The following PTPRD variants were observed in gnomAD, a reference collection of about 807,000 sequenced individuals.
The protein encoded by PTPRD is receptor-type tyrosine-protein phosphatase delta.
Under a neutral mutation model 214.5 loss-of-function variants are expected in PTPRD, and 34 were observed. The ratio of observed to expected loss-of-function variants is 0.16; its 90% CI spans 0.12 to 0.21. PTPRD has a LOEUF of 0.21. Among genes scored for constraint, PTPRD ranks in the 10% least tolerant of loss-of-function variants. The pLI is 1.00. For synonymous variants in PTPRD, 1,128 were observed against 845.7 expected (o/e 1.33, Z -5.79); for missense variants, 2,545 against 2,398.7 (o/e 1.06, Z -1.27).
chr9:8,715,662 G>C (rs1211051988), intron 12 of PTPRD, among the ~76,000 whole-genome samples: 2 of 152,048 alleles, frequency 1.3e-5, no homozygotes, highest in Non-Finnish European at 2.9e-5. Context: ...TCAGGCCAAC[G>C]ATCTACCACA....
At chr9:8,703,929 T>A (rs1351890337) in intron 12 of PTPRD, among the ~76,000 whole-genome samples, 1 of 152,208 alleles carries the variant, frequency 6.6e-6, no homozygotes, top group Non-Finnish European at 1.5e-5. Flanking sequence ...GTGTTTCTTA[T>A]CAATAAATAC....
Position 8,704,270 on chromosome 9 carries a change from A to G in PTPRD, c.64+29510T>C, listed in dbSNP as rs2098151743. Among the ~76,000 whole-genome samples the G allele has an allele frequency of 1.3e-5, 2 of 152,032 alleles. 1 individual carries two copies. Among genetic ancestry groups the G allele is most frequent in the South Asian group, 4.1e-4 (2 of 4,824 alleles). ...CCCACTCCATCCTCTGCATCTCCCT[A>G]CACACTCCCTAAACTCCAGCCGAAT... On this transcript the variant is annotated intron_variant, in intron 12 of 45. Coordinates refer to ENST00000381196, the MANE Select transcript of PTPRD (RefSeq NM_002839.4).
chr9:8,832,718 C>A (rs953264842), intron 11 of PTPRD, among the ~76,000 whole-genome samples: 1 of 152,012 alleles, frequency 6.6e-6, no homozygotes, highest in Admixed American at 6.6e-5. Flanking sequence ...AATCTTTCAA[C>A]TGTAAAACTA....
intron 2 of PTPRD, among the ~76,000 whole-genome samples, chr9:10,394,898 TG>T (rs2098137711): frequency 1.3e-5 from 2 of 151,706 alleles, no homozygotes; most frequent in South Asian, 4.1e-4. Flanking sequence ...TGCTGATGAA[TG>T]TGGATTTAAT....
At chr9:9,078,516 GC>G (rs2099754341) in intron 10 of PTPRD, among the ~76,000 whole-genome samples, 1 of 152,006 alleles carries the variant, frequency 6.6e-6, no homozygotes, top group Non-Finnish European at 1.5e-5. Context: ...TGCTTGCTGT[GC>G]CATGATAGAT....
At chr9:9,891,328 G>C (rs555068243) in intron 5 of PTPRD, among the ~76,000 whole-genome samples, 17 of 150,868 alleles carry the variant, frequency 1.1e-4, no homozygotes, top group African/African-American at 4.1e-4. Context: ...GAATACCAAA[G>C]AGATATTAAG....
chr9:9,271,299 C>A (rs1385772390), intron 9 of PTPRD, among the ~76,000 whole-genome samples: 3 of 148,320 alleles, frequency 2.0e-5, no homozygotes, highest in African/African-American at 7.5e-5. Flanking sequence ...AAAAAAAAAA[C>A]ATCTGTGAAC....
At chr9:9,624,714 G>A (rs1593352001) in intron 7 of PTPRD, among the ~76,000 whole-genome samples, 3 of 151,918 alleles carry the variant, frequency 2.0e-5, no homozygotes, top group South Asian at 2.1e-4. Context: ...CAGTGGGATC[G>A]ATTTAATATT....
At chr9:8,457,912 A>C (rs2096263252) in intron 33 of PTPRD, among the ~76,000 whole-genome samples, 1 of 152,174 alleles carries the variant, frequency 6.6e-6, no homozygotes, top group Non-Finnish European at 1.5e-5. Context: ...CTCAGAATCC[A>C]AGCTATAAAA....
intron 4 of PTPRD, among the ~76,000 whole-genome samples, chr9:9,948,844 T>G (rs1262505179): frequency 6.6e-6 from 1 of 151,996 alleles, no homozygotes; most frequent in East Asian, 1.9e-4. Context: ...GAGACAAATT[T>G]TATGACAATA....
rs978995858 is a variant in PTPRD at position 9,383,503 on chromosome 9, T to C, written c.-203+13946A>G. ...AATATCACCAACTTGCTCTTCATCA[T>C]CCTGAGTATATTATTTGATTGAGGC... On this transcript the variant is annotated intron_variant, in intron 9 of 45. Coordinates refer to ENST00000381196, the MANE Select transcript of PTPRD (RefSeq NM_002839.4). 2.6e-5 allele frequency among the ~76,000 whole-genome samples: 4 copies of C among 152,120 alleles called. No homozygotes were observed. In the South Asian group the frequency reaches 6.2e-4, roughly 24 times the overall value.
intron 3 of PTPRD, among the ~76,000 whole-genome samples, chr9:10,181,153 T>C (rs2099280275): frequency 1.3e-5 from 2 of 152,086 alleles, no homozygotes; most frequent in Admixed American, 1.3e-4. Context: ...GATTTTTATA[T>C]AGACAATTCA....
intron 11 of PTPRD, among the ~76,000 whole-genome samples, chr9:8,936,829 T>C (rs2099001157): frequency 6.6e-6 from 1 of 152,212 alleles, no homozygotes; most frequent in Admixed American, 6.5e-5. Flanking sequence ...CATGGGATAA[T>C]TCAAAATGGT....
At position 9,380,286 on chromosome 9, in the gene PTPRD, C is replaced by G. The variant is rs145600034; in HGVS notation, c.-203+17163G>C. Among the ~76,000 whole-genome samples the G allele has an allele frequency of 3.2e-3, 491 of 152,138 alleles. 1 individual carries two copies. Among genetic ancestry groups the G allele is most frequent in the African/African-American group, 0.011 (457 of 41,538 alleles). ...AGTTGTGTTTTCATTTCATTTATTT[C>G]AAAATATATTTAAAATTGTCTTGAG... is the stretch of plus-strand genomic sequence containing the variant. On this transcript the variant is annotated intron_variant, in intron 9 of 45. Coordinates refer to ENST00000381196, the MANE Select transcript of PTPRD (RefSeq NM_002839.4).
At chr9:8,499,179 T>C (rs1273555598) in intron 25 of PTPRD, among the ~76,000 whole-genome samples, 5 of 152,198 alleles carry the variant, frequency 3.3e-5, no homozygotes, top group Non-Finnish European at 5.9e-5. Context: ...AAGTACTAAA[T>C]ATAATACTGA....
At chr9:10,280,474 A>C (rs2095039916) in intron 3 of PTPRD, among the ~76,000 whole-genome samples, 1 of 152,312 alleles carries the variant, frequency 6.6e-6, no homozygotes, top group African/African-American at 2.4e-5. Context: ...AGATGAGTTC[A>C]GAATAATTAA....
chr9:10,525,476 A>T (rs1285787605), intron 2 of PTPRD, among the ~76,000 whole-genome samples: 1 of 152,012 alleles, frequency 6.6e-6, no homozygotes, highest in Non-Finnish European at 1.5e-5. Context: ...TCCAACAAAA[A>T]CTTAAGATTT....
At chr9:8,490,402 C>G (rs1023138259) in intron 27 of PTPRD, among the ~76,000 whole-genome samples, 1 of 152,144 alleles carries the variant, frequency 6.6e-6, no homozygotes, top group Admixed American at 6.5e-5. Context: ...GTCCCAGTGG[C>G]TCTAAATTTA....
intron 30 of PTPRD, 143 bp downstream of exon 30, chr9:8,483,976 G>T: frequency 1.9e-6 from 2 of 1,061,340 alleles, no homozygotes; most frequent in Non-Finnish European, 2.7e-6. Context: ...AAAGAACTCG[G>T]ATAGCAAAAC....
Sources: gnomAD v4.1 joint callset for allele counts (sites outside exome capture counted in the v4.1 genomes callset) on GRCh38, gnomAD v4.1.1 for gene constraint, MANE v1.5 for transcripts, NCBI Gene and HGNC (gene_info 2026-07-23, HGNC 2026-07-21) for gene names.